FAM163B: variants seen among roughly 807,000 people sequenced by gnomAD.
FAM163B encodes family with sequence similarity 163 member B.
FAM163B carries 4 observed loss-of-function variants against 7.6 expected under a neutral mutation model. That is an observed-to-expected ratio of 0.52 (90% CI 0.26 to 1.20). The LOEUF is 1.20. Ranked by LOEUF, FAM163B falls within the 50% of genes most tolerant of loss-of-function variation. FAM163B has a pLI of 0.14. For missense variants in FAM163B, 250 were observed against 243.0 expected (o/e 1.03, Z -0.19); for synonymous variants, 120 against 111.6 (o/e 1.07, Z -0.47).
At chr9:133,596,236 G>A (rs575698750) in intron 1 of FAM163B, among the ~76,000 whole-genome samples, 34 of 56,696 alleles carry the variant, frequency 6.0e-4, no homozygotes, top group African/African-American at 4.0e-3. Flanking sequence ...CTTCTGGCCC[G>A]GGCGGCTGTG....
chr9:133,606,762 C>T lies in FAM163B; in HGVS notation c.-24+2315G>A, dbSNP rs1831794959. Among the ~76,000 whole-genome samples the T allele has an allele frequency of 6.6e-6, 1 of 152,208 alleles. No individual in the cohort carries two copies. Among genetic ancestry groups the T allele is most frequent in the Admixed American group, 6.5e-5 (1 of 15,284 alleles). ...AGGGCTCGGCTGCTGCTCTGCCTCCCCTCCTGCCCCGAGAGTTTAGAGTCA... is the reference window on the plus strand; with the variant it reads ...AGGGCTCGGCTGCTGCTCTGCCTCCTCTCCTGCCCCGAGAGTTTAGAGTCA... On this transcript the variant is annotated intron_variant, in intron 1 of 2. Coordinates refer to ENST00000673969, the MANE Select transcript of FAM163B (RefSeq NM_001080515.3). This position sits in a 1 kb window ranked among gnomAD's most constrained non-coding sequence, Gnocchi z 4.0.
At chr9:133,580,833 A>C (rs987837264) in intron 1 of FAM163B, among the ~76,000 whole-genome samples, 1 of 152,252 alleles carries the variant, frequency 6.6e-6, no homozygotes, top group African/African-American at 2.4e-5. Context: ...TGTGCGGCTT[A>C]GTAGCATGAA....
intron 1 of FAM163B, among the ~76,000 whole-genome samples, chr9:133,597,437 A>G (rs967895564): frequency 6.6e-6 from 1 of 152,216 alleles, no homozygotes; most frequent in Non-Finnish European, 1.5e-5. Context: ...CCAAAGTGAA[A>G]TAGAGAGAAA....
At chr9:133,584,720 G>A (rs985148965) in intron 1 of FAM163B, among the ~76,000 whole-genome samples, 3 of 152,186 alleles carry the variant, frequency 2.0e-5, no homozygotes, top group African/African-American at 7.2e-5. Flanking sequence ...CTTCTGAGCC[G>A]GGCTGTGAAG....
At chr9:133,582,322 A>G (rs1831368171) in intron 1 of FAM163B, among the ~76,000 whole-genome samples, 1 of 152,166 alleles carries the variant, frequency 6.6e-6, no homozygotes, top group South Asian at 2.1e-4. Flanking sequence ...TTGAAAATAT[A>G]TTTGATGCGT....
chr9:133,579,554 G>A (rs1588320312), intron 2 of FAM163B, 125 bp from the exon 3 acceptor site: 1 of 1,201,756 alleles, frequency 8.3e-7, no homozygotes, highest in East Asian at 2.6e-5. Flanking sequence ...CCCAAGCCCA[G>A]GCCTGACACC....
intron 1 of FAM163B, among the ~76,000 whole-genome samples, chr9:133,592,886 G>T (rs2131245893): frequency 6.6e-6 from 1 of 152,144 alleles, no homozygotes; most frequent in Middle Eastern, 3.4e-3. Context: ...GAATCACCTG[G>T]GGCAGTTACA....
Position 133,606,058 on chromosome 9 carries a change from A to G in FAM163B, c.-24+3019T>C, listed in dbSNP as rs1831786042. Among the ~76,000 whole-genome samples, 1 of 152,184 alleles carries G rather than the reference A, an allele frequency of 6.6e-6. No homozygotes were observed. The highest frequency in any genetic ancestry group is 6.5e-5 in the Admixed American group (1 of 15,288). ...AGCCCAACCACTGAGCAGGGCTTACAAGCCTGGCGGAACCGGACCCCACCT... is the reference window on the plus strand; with the variant it reads ...AGCCCAACCACTGAGCAGGGCTTACGAGCCTGGCGGAACCGGACCCCACCT... On this transcript the variant is annotated intron_variant, in intron 1 of 2. Transcript: ENST00000673969. The surrounding 1 kb of genome is among the most constrained non-coding windows in gnomAD (Gnocchi z 4.0).
At position 133,577,246 on chromosome 9, in the gene FAM163B, TG is replaced by T. The variant is rs1413135711; in HGVS notation, c.*1775del. The stretch of plus-strand genomic sequence containing the variant: ...TGGAGACCAGAAAGGAATTGGGAAA[TG>T]GAATCATGAGGGCTGGGCCCTCATC... On this transcript the variant is annotated 3_prime_UTR_variant, in exon 3 of 3. Coordinates refer to ENST00000673969, the MANE Select transcript of FAM163B (RefSeq NM_001080515.3). Among the ~76,000 whole-genome samples the T allele has an allele frequency of 6.6e-6, 1 of 151,914 alleles. No individual in the cohort carries two copies. Among genetic ancestry groups the T allele is most frequent in the African/African-American group, 2.4e-5 (1 of 41,356 alleles).
rs1831335635 is a variant in FAM163B at position 133,580,214 on chromosome 9, C to G, written c.10G>C (p.Gly4Arg). Reference sequence around the variant, plus strand: ...ATGCCCCCGGTGATGACCACGGTCCCGGCTGTCATCCGCCCCCTTCTCCAT... The same window carrying G: ...ATGCCCCCGGTGATGACCACGGTCCGGGCTGTCATCCGCCCCCTTCTCCAT... MTAGTVVITGGILA... is the reference protein window; with the variant it reads MTARTVVITGGILA... The change falls in exon 2 of 3, where the codon GGG (glycine) becomes CGG (arginine). Residue 4 changes from glycine (G) to arginine (R), a missense_variant. Transcript: ENST00000673969. 1 of 1,613,314 alleles carries G rather than the reference C, an allele frequency of 6.2e-7. No homozygotes were observed. Among genetic ancestry groups the G allele is most frequent in the Non-Finnish European group, 8.5e-7 (1 of 1,179,976 alleles).
At chr9:133,584,463 A>G (rs1429003358) in intron 1 of FAM163B, among the ~76,000 whole-genome samples, 1 of 152,234 alleles carries the variant, frequency 6.6e-6, no homozygotes, top group Non-Finnish European at 1.5e-5. Context: ...CCAGGAATCC[A>G]GATGATTTAG....
intron 1 of FAM163B, among the ~76,000 whole-genome samples, chr9:133,584,842 T>C (rs1033682655): frequency 3.0e-4 from 45 of 152,354 alleles, no homozygotes; most frequent in East Asian, 1.9e-4. Context: ...CAGAGGCTAC[T>C]CTGCCGCCTG....
chr9:133,580,030 CG>C (rs1314312362), intron 2 of FAM163B, 100 bp downstream of exon 2: 2 of 968,390 alleles, frequency 2.1e-6, no homozygotes. Context: ...CCCCACTTCC[CG>C]GGCCGTGACC....
chr9:133,587,873 G>A (rs949582269), intron 1 of FAM163B, among the ~76,000 whole-genome samples: 12 of 152,018 alleles, frequency 7.9e-5, no homozygotes, highest in African/African-American at 2.9e-4. Flanking sequence ...TGGGGTCCCT[G>A]AAGCTCTTTC....
chr9:133,599,707 G>C (rs1254996312), intron 1 of FAM163B, among the ~76,000 whole-genome samples: 1 of 141,500 alleles, frequency 7.1e-6, no homozygotes, highest in Non-Finnish European at 1.5e-5. Flanking sequence ...ATCTGTGCAT[G>C]TGTGAGCATG....
In FAM163B at chr9:133,579,141, G is replaced by A; in HGVS notation, c.382C>T (p.Gln128Ter). The part of the protein sequence containing the change: ...GERVLYKSVS[Q>*]EDVELPPGGF... Reference sequence around the variant, plus strand: ...CCCGGGGGCAGCTCCACGTCCTCCTGGCTCACGCTCTTGTAGAGCACGCGC... The same window carrying A: ...CCCGGGGGCAGCTCCACGTCCTCCTAGCTCACGCTCTTGTAGAGCACGCGC... Residue 128 changes from glutamine to a stop codon, truncating the protein, a stop_gained, in exon 3 of 3, where the codon CAG becomes TAG. Coordinates refer to ENST00000673969, the MANE Select transcript of FAM163B (RefSeq NM_001080515.3). LOFTEE classifies it high-confidence loss of function. 2 of 1,609,774 alleles carry A rather than the reference G, an allele frequency of 1.2e-6. No individual in the cohort carries two copies. The highest frequency in any genetic ancestry group is 1.7e-6 in the Non-Finnish European group (2 of 1,179,770).
intron 1 of FAM163B, among the ~76,000 whole-genome samples, chr9:133,591,977 C>T (rs771567523): frequency 3.9e-5 from 6 of 152,168 alleles, no homozygotes; most frequent in Non-Finnish European, 7.4e-5. Flanking sequence ...AAGATGGTGC[C>T]GGGCCTCGCC....
chr9:133,591,605 C>T (rs561246858), intron 1 of FAM163B, among the ~76,000 whole-genome samples: 2 of 152,316 alleles, frequency 1.3e-5, no homozygotes, highest in Admixed American at 6.5e-5. Flanking sequence ...AACCTGGCTG[C>T]GGGCGCTACC....
chr9:133,584,668 C>T (rs1033681043), intron 1 of FAM163B, among the ~76,000 whole-genome samples: 7 of 152,162 alleles, frequency 4.6e-5, no homozygotes, highest in Admixed American at 1.3e-4. Flanking sequence ...AGGGTGGTAA[C>T]GGATGGGGGA....
Sources: gnomAD v4.1 joint callset for allele counts (sites outside exome capture counted in the v4.1 genomes callset) on GRCh38, gnomAD v4.1.1 for gene constraint, Gnocchi (gnomAD v3.1) non-coding constraint, MANE v1.5 for transcripts, NCBI Gene and HGNC (gene_info 2026-07-23, HGNC 2026-07-21) for gene names.